PPA2: variants seen among roughly 807,000 people sequenced by gnomAD.
PPA2 encodes the protein inorganic pyrophosphatase 2, also known as inorganic pyrophosphatase 2, mitochondrial.
In PPA2, 48 loss-of-function variants were observed where a neutral mutation model predicts 49.5. The observed-to-expected ratio is 0.97, with a 90% confidence interval of 0.77 to 1.23. The LOEUF is 1.23. Among genes scored for constraint, PPA2 ranks in the 50% most tolerant of loss-of-function variants. The probability of loss-of-function intolerance (pLI) is 0.00; values close to 1 mark genes in which losing one functional copy is unlikely to be tolerated. For synonymous variants in PPA2, 131 were observed against 139.9 expected (o/e 0.94, Z 0.45); for missense variants, 429 against 410.1 (o/e 1.05, Z -0.40).
chr4:105,418,124 G>A (rs1173581368), intron 7 of PPA2, among the ~76,000 whole-genome samples: 1 of 152,180 alleles, frequency 6.6e-6, no homozygotes, highest in Non-Finnish European at 1.5e-5. Flanking sequence ...ACAAATGTTA[G>A]AGCTCTTAGG....
At chr4:105,450,069 G>A (rs542856138) in intron 3 of PPA2, among the ~76,000 whole-genome samples, 12 of 151,878 alleles carry the variant, frequency 7.9e-5, no homozygotes, top group African/African-American at 2.9e-4. Context: ...GAACTTTGTA[G>A]AATGCATAAA....
At chr4:105,370,731 G>C (rs901895378) in intron 11 of PPA2, 106 bp downstream of exon 11, 1 of 1,234,272 alleles carries the variant, frequency 8.1e-7, no homozygotes. Flanking sequence ...AGCTTATACA[G>C]CTTTTCAATT....
chr4:105,411,013 G>A (rs1326396779), intron 7 of PPA2, among the ~76,000 whole-genome samples: 2 of 152,098 alleles, frequency 1.3e-5, no homozygotes, highest in Non-Finnish European at 2.9e-5. Context: ...AAATTAATGG[G>A]CAAAATAACC....
rs1723389076 is a variant in PPA2, at chr4:105,424,296, A to G, written c.555T>C (p.His185=). Residue 185 remains histidine, a synonymous_variant, in exon 7 of 12, where the codon CAT becomes CAC. Coordinates refer to ENST00000341695, the MANE Select transcript of PPA2 (RefSeq NM_176869.3). ...GAGCCAAAATTCCAAGGATCTTCACATGAATAACTTCTCCACAAGAAAGAA... is the reference window on the plus strand; with the variant it reads ...GAGCCAAAATTCCAAGGATCTTCACGTGAATAACTTCTCCACAAGAAAGAA... ...SKILSCGEVI[H]VKILGILALI... is the part of the protein sequence containing the mutation. 1 of 1,599,902 alleles carries G rather than the reference A, an allele frequency of 6.3e-7. No homozygotes were observed. Among genetic ancestry groups the G allele is most frequent in the Admixed American group, 1.8e-5 (1 of 55,792 alleles).
At chr4:105,434,626 C>T (rs1393044836) in intron 6 of PPA2, among the ~76,000 whole-genome samples, 4 of 152,200 alleles carry the variant, frequency 2.6e-5, no homozygotes, top group Non-Finnish European at 5.9e-5. Flanking sequence ...CTGGAAATCA[C>T]ATATAGCTTT....
chr4:105,420,172 A>G (rs1009257730), intron 7 of PPA2, among the ~76,000 whole-genome samples: 3 of 152,166 alleles, frequency 2.0e-5, no homozygotes, highest in Non-Finnish European at 2.9e-5. Context: ...GGGTTTCTCT[A>G]CGTGGGTCAG....
rs369483034 is a variant in PPA2 at position 105,379,425 on chromosome 4, GTAGATAGATAGATAGA to G, written c.939+7126_939+7141del. On this transcript the variant is annotated intron_variant, in intron 10 of 11. Coordinates refer to ENST00000341695, the MANE Select transcript of PPA2 (RefSeq NM_176869.3). ...TATATGTGTGTATCTATCAATATGT[GTAGATAGATAGATAGA>G]TAGATAGATAGATAGATAGATAGAT... Among the ~76,000 whole-genome samples the G allele has an allele frequency of 4.3e-5, 6 of 140,216 alleles. No individual in the cohort carries two copies. The South Asian group carries it at 9.5e-4, about 22-fold the overall frequency. The allele number at this position is 140,216 out of a possible 152,430, so 92.0% of individuals were successfully genotyped here.
chr4:105,392,264 C>T (rs1345214583), intron 9 of PPA2, among the ~76,000 whole-genome samples: 1 of 151,148 alleles, frequency 6.6e-6, no homozygotes, highest in Non-Finnish European at 1.5e-5. Flanking sequence ...AAAGAATAAA[C>T]AACAACAACA....
intron 7 of PPA2, among the ~76,000 whole-genome samples, chr4:105,406,630 A>C (rs554287335): frequency 2.4e-4 from 37 of 152,312 alleles, no homozygotes; most frequent in Admixed American, 3.9e-4. Context: ...CAGGACCACC[A>C]CCTGCTCCCC....
chr4:105,372,312 T>C (rs570142475), intron 10 of PPA2, among the ~76,000 whole-genome samples: 1 of 152,206 alleles, frequency 6.6e-6, no homozygotes, highest in African/African-American at 2.4e-5. Context: ...GATATGTGAC[T>C]GAATAACGGC....
At position 105,369,689 on chromosome 4, in the gene PPA2, A is replaced by G. The variant is rs778550548; in HGVS notation, c.*36T>C. The G allele has an allele frequency of 7.6e-7, 1 of 1,323,224 alleles. No homozygotes were observed. Among genetic ancestry groups the G allele is most frequent in the Non-Finnish European group, 1.0e-6 (1 of 964,856 alleles). 82.0% of individuals were successfully genotyped at this position (1,323,224 alleles called of 1,614,324 possible). A position where few individuals can be genotyped will look rare whatever the true frequency, so the allele number is the denominator to read the frequency against. On this transcript the variant is annotated 3_prime_UTR_variant, in exon 12 of 12. Transcript: ENST00000341695. ...TCTCTAGCACTTGGAGTCCTTAGAG[A>G]TGGGAATCTTGACAGCAGAATTTCA...
At chr4:105,432,774 C>T (rs560802218) in intron 6 of PPA2, among the ~76,000 whole-genome samples, 6 of 152,084 alleles carry the variant, frequency 3.9e-5, no homozygotes, top group Admixed American at 3.3e-4. Context: ...TTATGTGTGG[C>T]CCAAGACAAT....
At chr4:105,412,692 C>T (rs1382925593) in intron 7 of PPA2, among the ~76,000 whole-genome samples, 3 of 152,070 alleles carry the variant, frequency 2.0e-5, no homozygotes, top group African/African-American at 7.2e-5. Context: ...AGACACTTCT[C>T]AAAAAAAGAC....
In PPA2 at chr4:105,468,962, G is replaced by A. The variant is rs151021236; in HGVS notation, c.157+4932C>T. Reference sequence around the variant, plus strand: ...GCAGCTCGGCTTTTCCCTAAACTACGTCCCCTGAACACATATACTTAAGCT... The same window carrying A: ...GCAGCTCGGCTTTTCCCTAAACTACATCCCCTGAACACATATACTTAAGCT... On this transcript the variant is annotated intron_variant, in intron 1 of 11. Transcript: ENST00000341695. Among the ~76,000 whole-genome samples the A allele has an allele frequency of 6.5e-4, 99 of 152,124 alleles. 1 individual carries two copies. The East Asian group carries it at 0.018, about 27-fold the overall frequency.
chr4:105,389,469 A>C (rs1733817300), intron 9 of PPA2, among the ~76,000 whole-genome samples: 1 of 151,564 alleles, frequency 6.6e-6, no homozygotes, highest in Non-Finnish European at 1.5e-5. Context: ...AAAAACTAAA[A>C]AGAATGCACT....
intron 7 of PPA2, among the ~76,000 whole-genome samples, chr4:105,418,929 C>T (rs1466291479): frequency 6.6e-6 from 1 of 152,178 alleles, no homozygotes; most frequent in Non-Finnish European, 1.5e-5. Flanking sequence ...AGAAAAATTA[C>T]ACATGCCCTA....
intron 6 of PPA2, among the ~76,000 whole-genome samples, chr4:105,428,195 G>A (rs1331329880): frequency 1.3e-5 from 2 of 152,118 alleles, no homozygotes; most frequent in Non-Finnish European, 2.9e-5. Context: ...AGCTCCTGAA[G>A]GAAGCAAGAA....
intron 4 of PPA2, chr4:105,448,063 T>A: frequency 2.5e-6 from 1 of 406,394 alleles, no homozygotes. Context: ...TAGTTTTCTA[T>A]CATGTATATT....
At chr4:105,460,879 T>C (rs1184020680) in intron 1 of PPA2, among the ~76,000 whole-genome samples, 2 of 133,960 alleles carry the variant, frequency 1.5e-5, no homozygotes, top group Non-Finnish European at 3.1e-5. Flanking sequence ...AGTTTTCTAA[T>C]TGTCATTTGG....
Sources: allele counts gnomAD v4.1 joint callset (sites outside exome capture counted in the v4.1 genomes callset), GRCh38; gene constraint gnomAD v4.1.1; transcripts MANE v1.5; gene names NCBI Gene and HGNC (gene_info 2026-07-23, HGNC 2026-07-21).